The following PCDHA2 variants were observed in gnomAD, a reference collection of about 807,000 sequenced individuals.
PCDHA2 encodes the protein protocadherin alpha 2, also known as protocadherin alpha-2.
Under a neutral mutation model 66.0 loss-of-function variants are expected in PCDHA2, and 58 were observed. That is an observed-to-expected ratio of 0.88 (90% CI 0.71 to 1.09). The LOEUF is 1.09. PCDHA2 is among the 50% of genes least tolerant of loss of function. The pLI is 0.00. For synonymous variants in PCDHA2, 634 were observed against 554.0 expected, an observed-to-expected ratio of 1.14 and a Z score of -2.03; for missense variants, 1,267 against 1,242.3, an observed-to-expected ratio of 1.02 and a Z score of -0.30.
intron 1 of PCDHA2, among the ~76,000 whole-genome samples, chr5:140,913,412 T>G (rs2076324998): frequency 6.6e-6 from 1 of 152,222 alleles, no homozygotes; most frequent in African/African-American, 2.4e-5. Context: ...TTTGAATTCC[T>G]GCAGTATCAG....
intron 1 of PCDHA2, chr5:140,866,984 A>G (rs2049692494): frequency 6.6e-6 from 1 of 152,180 alleles, no homozygotes; most frequent in African/African-American, 2.4e-5. Flanking sequence ...ATCACAGCCA[A>G]AATGCAAAAG....
At chr5:140,957,851 T>TG (rs2095389296) in intron 1 of PCDHA2, among the ~76,000 whole-genome samples, 1 of 136,014 alleles carries the variant, frequency 7.4e-6, no homozygotes. Flanking sequence ...AGAGTTTGTG[T>TG]ATTTTTTTTC....
At chr5:140,817,298 G>GAAAGTGCACCAGA (rs1766109472) in intron 1 of PCDHA2, 1 of 152,200 alleles carries the variant, frequency 6.6e-6, no homozygotes, top group Non-Finnish European at 1.5e-5. Flanking sequence ...GGACTATAGG[G>GAAAGTGCACCAGA]AAAGTGCCCC....
At chr5:140,968,992 T>C in intron 1 of PCDHA2, 1 of 1,614,220 alleles carries the variant, frequency 6.2e-7, no homozygotes, top group Non-Finnish European at 8.5e-7. Flanking sequence ...CTGCATGCTG[T>C]GGAGGCTTCT....
chr5:140,914,130 A>G (rs552189632), intron 1 of PCDHA2, among the ~76,000 whole-genome samples: 2 of 152,146 alleles, frequency 1.3e-5, no homozygotes, highest in African/African-American at 4.8e-5. Flanking sequence ...TTCTTTGTTG[A>G]GTTTTTGTCT....
chr5:140,946,508 G>A (rs1352307719), intron 1 of PCDHA2, among the ~76,000 whole-genome samples: 3 of 151,202 alleles, frequency 2.0e-5, no homozygotes, highest in Non-Finnish European at 3.0e-5. Flanking sequence ...GTATGTCAAA[G>A]ACCTATCCGC....
At chr5:140,897,339 C>G (rs1373496877) in intron 1 of PCDHA2, among the ~76,000 whole-genome samples, 14 of 121,352 alleles carry the variant, frequency 1.2e-4, no homozygotes, top group African/African-American at 4.4e-4. Context: ...CCCCCTCCCC[C>G]CACCCCACAA....
At chr5:140,799,973 T>C (rs1234514160) in intron 1 of PCDHA2, among the ~76,000 whole-genome samples, 3 of 152,150 alleles carry the variant, frequency 2.0e-5, no homozygotes, top group African/African-American at 7.2e-5. Context: ...TAGTGTTAAA[T>C]ATGTTGAGTA....
At chr5:140,858,580 A>C in intron 1 of PCDHA2, 1 of 1,352,736 alleles carries the variant, frequency 7.4e-7, no homozygotes, top group Non-Finnish European at 1.0e-6. Flanking sequence ...CCTTTGTAAT[A>C]TAATTTATTC....
intron 1 of PCDHA2, among the ~76,000 whole-genome samples, chr5:140,832,503 T>C (rs2150202042): frequency 6.6e-6 from 1 of 152,324 alleles, no homozygotes; most frequent in East Asian, 1.9e-4. Flanking sequence ...AGTGGCAGAA[T>C]TGTCTCTGAT....
Position 140,857,130 on chromosome 5 carries a change from A to T in PCDHA2, c.2388+59778A>T, listed in dbSNP as rs1554149562. 6.3e-7 allele frequency: 1 copy of T among 1,598,310 alleles called. No individual in the cohort carries two copies. The highest frequency in any genetic ancestry group is 8.6e-7 in the Non-Finnish European group (1 of 1,167,812). On this transcript the variant is annotated intron_variant, in intron 1 of 3. Coordinates refer to ENST00000526136, the MANE Select transcript of PCDHA2 (RefSeq NM_018905.3). Reference sequence around the variant, plus strand: ...TCTCTGTCTCTCCCAGTGAAAGAAGATGCTCAAGTGGGCACCGTCATTGCC... The same window carrying T: ...TCTCTGTCTCTCCCAGTGAAAGAAGTTGCTCAAGTGGGCACCGTCATTGCC...
At chr5:140,870,830 T>C in intron 1 of PCDHA2, 1 of 1,613,762 alleles carries the variant, frequency 6.2e-7, no homozygotes. Context: ...GGAGGCGCAG[T>C]TAACAAGCTA....
rs781922775 is a variant in PCDHA2 at position 140,856,490 on chromosome 5, G to C, written c.2388+59138G>C. On this transcript the variant is annotated intron_variant, in intron 1 of 3. Coordinates refer to ENST00000526136, the MANE Select transcript of PCDHA2 (RefSeq NM_018905.3). Reference sequence around the variant, plus strand: ...CTCAATACCTGAATCCAGACTGCTTGACTCTCGATTTCCACTAGAAGGCGC... The same window carrying C: ...CTCAATACCTGAATCCAGACTGCTTCACTCTCGATTTCCACTAGAAGGCGC... 1.9e-6 allele frequency: 3 copies of C among 1,598,350 alleles called. 1 individual carries two copies. The highest frequency in any genetic ancestry group is 2.6e-6 in the Non-Finnish European group (3 of 1,167,864).
chr5:140,801,378 C>T (rs1554121455), intron 1 of PCDHA2: 3 of 1,613,416 alleles, frequency 1.9e-6, no homozygotes, highest in Middle Eastern at 1.8e-4. Flanking sequence ...GGAGCTGGTG[C>T]CGCGCCTGTT....
At chr5:140,836,301 A>G (rs2150257154) in intron 1 of PCDHA2, 2 of 1,613,612 alleles carry the variant, frequency 1.2e-6, no homozygotes, top group South Asian at 1.1e-5. Context: ...CCTAGATGAG[A>G]CGGACGCACC....
At chr5:140,930,649 G>A (rs1300720133) in intron 1 of PCDHA2, among the ~76,000 whole-genome samples, 1 of 152,156 alleles carries the variant, frequency 6.6e-6, no homozygotes, top group Non-Finnish European at 1.5e-5. Context: ...GGAAAATGAA[G>A]CATTCCTTGT....
At chr5:140,810,298 T>C (rs782625425) in intron 1 of PCDHA2, 2 of 152,268 alleles carry the variant, frequency 1.3e-5, no homozygotes, top group Non-Finnish European at 2.9e-5. Context: ...ATAAATATAT[T>C]GTACATTTCT....
intron 1 of PCDHA2, chr5:140,927,020 T>G: frequency 6.2e-7 from 1 of 1,612,524 alleles, no homozygotes; most frequent in Non-Finnish European, 8.5e-7. Flanking sequence ...TCCGCGGACT[T>G]GAGGCTGCCA....
chr5:140,816,123 A>G (rs1424717424), intron 1 of PCDHA2: 2 of 152,126 alleles, frequency 1.3e-5, no homozygotes, highest in Non-Finnish European at 2.9e-5. Context: ...CTTCTTTTGA[A>G]ACTGTCATAA....
Sources: gnomAD v4.1 joint callset for allele counts (sites outside exome capture counted in the v4.1 genomes callset) on GRCh38, gnomAD v4.1.1 for gene constraint, MANE v1.5 for transcripts, NCBI Gene and HGNC (gene_info 2026-07-23, HGNC 2026-07-21) for gene names.